The following AGBL1 variants were observed in gnomAD, a reference collection of about 807,000 sequenced individuals.
The protein encoded by AGBL1 is cytosolic carboxypeptidase 4.
AGBL1 carries 130 observed loss-of-function variants against 118.9 expected under a neutral mutation model. The observed-to-expected ratio is 1.09, with a 90% CI of 0.95 to 1.26. AGBL1 has a LOEUF of 1.26. Ranked by LOEUF, AGBL1 falls within the 50% of genes most tolerant of loss-of-function variation. The pLI is 0.00. For missense variants in AGBL1, 1,584 were observed against 1,298.1 expected (o/e 1.22, Z -3.38); for synonymous variants, 555 against 478.9 (o/e 1.16, Z -2.08).
chr15:86,117,520 C>G (rs552899240), intron 1 of AGBL1, among the ~76,000 whole-genome samples: 2 of 152,096 alleles, frequency 1.3e-5, no homozygotes, highest in East Asian at 3.9e-4. Context: ...TCATTTAATT[C>G]TCACTAAAGA....
intron 19 of AGBL1, 72 bp downstream of exon 19, chr15:86,523,011 G>T (rs2083210913): frequency 6.5e-7 from 1 of 1,535,512 alleles, no homozygotes; most frequent in African/African-American, 1.4e-5. Flanking sequence ...AGTATATTCT[G>T]CCAAGGCAAG....
At chr15:86,727,251 C>A (rs953834196) in intron 22 of AGBL1, among the ~76,000 whole-genome samples, 1 of 152,060 alleles carries the variant, frequency 6.6e-6, no homozygotes, top group African/African-American at 2.4e-5. Flanking sequence ...TTCCACACCA[C>A]AAAGGTGACA....
chr15:86,827,475 ATATATATATGTGTG>A (rs1490965173), intron 22 of AGBL1, among the ~76,000 whole-genome samples: 174 of 11,704 alleles, frequency 0.015, 3 homozygotes, highest in East Asian at 0.03. Flanking sequence ...ATATACATAT[ATATATATATGTGTG>A]TATATATATA....
chr15:86,145,563 A>G (rs1597454437), intron 3 of AGBL1, among the ~76,000 whole-genome samples: 1 of 152,188 alleles, frequency 6.6e-6, no homozygotes, highest in African/African-American at 2.4e-5. Context: ...CCAAATGCCC[A>G]GGGGGTCTGG....
At chr15:86,530,247 T>C (rs2083330457) in intron 19 of AGBL1, among the ~76,000 whole-genome samples, 1 of 125,370 alleles carries the variant, frequency 8.0e-6, no homozygotes, top group Non-Finnish European at 1.6e-5. Context: ...AGGCTGAAAA[T>C]AAAAGGATGG....
intron 17 of AGBL1, among the ~76,000 whole-genome samples, chr15:86,330,981 T>C (rs2080259452): frequency 6.6e-6 from 1 of 152,120 alleles, no homozygotes; most frequent in South Asian, 2.1e-4. Context: ...ATCCTGGCAC[T>C]TTGGGAGGCC....
At chr15:86,247,225 C>A (rs2078735680) in intron 6 of AGBL1, among the ~76,000 whole-genome samples, 1 of 152,212 alleles carries the variant, frequency 6.6e-6, no homozygotes, top group African/African-American at 2.4e-5. Context: ...AAGATTTAAA[C>A]TATAATTACT....
chr15:86,789,435 T>G (rs533577180), intron 22 of AGBL1, among the ~76,000 whole-genome samples: 2 of 152,286 alleles, frequency 1.3e-5, no homozygotes, highest in South Asian at 4.1e-4. Context: ...GTTGTTTAAA[T>G]TTTTCTTTGC....
chr15:86,432,900 C>T (rs2081952757), intron 18 of AGBL1, among the ~76,000 whole-genome samples: 1 of 152,238 alleles, frequency 6.6e-6, no homozygotes. Flanking sequence ...GTTGCACTGA[C>T]TGGAGTGGCC....
intron 7 of AGBL1, among the ~76,000 whole-genome samples, chr15:86,248,271 C>T (rs1265098573): frequency 5.9e-5 from 9 of 152,138 alleles, no homozygotes; most frequent in East Asian, 1.9e-4. Flanking sequence ...GAGCCGAGAT[C>T]GCACCACTGA....
intron 21 of AGBL1, among the ~76,000 whole-genome samples, chr15:86,572,188 A>G (rs993043428): frequency 6.6e-6 from 1 of 152,074 alleles, no homozygotes; most frequent in African/African-American, 2.4e-5. Context: ...CGCAGGGGGA[A>G]GTGCCGGCTC....
chr15:86,676,596 T>C (rs572185827), intron 22 of AGBL1, among the ~76,000 whole-genome samples: 13 of 152,278 alleles, frequency 8.5e-5, no homozygotes, highest in Admixed American at 2.6e-4. Context: ...AGGATTCTTA[T>C]TGTAATACAA....
intron 17 of AGBL1, among the ~76,000 whole-genome samples, chr15:86,297,627 G>A (rs1488768135): frequency 6.6e-6 from 1 of 152,164 alleles, no homozygotes; most frequent in African/African-American, 2.4e-5. Context: ...TATGCATGAA[G>A]AGCTTTAAGG....
At chr15:86,755,731 A>G (rs555157720) in intron 22 of AGBL1, among the ~76,000 whole-genome samples, 1 of 152,088 alleles carries the variant, frequency 6.6e-6, no homozygotes, top group African/African-American at 2.4e-5. Flanking sequence ...GTAGACAGTG[A>G]GTGCTTTCAT....
chr15:86,218,730 C>G (rs1478619357), intron 5 of AGBL1, among the ~76,000 whole-genome samples: 3 of 152,208 alleles, frequency 2.0e-5, no homozygotes, highest in Non-Finnish European at 4.4e-5. Flanking sequence ...CTGCAGGTAG[C>G]CTCTAGAAAT....
Position 86,262,240 on chromosome 15 carries a change from T to C in AGBL1, c.970-538T>C, listed in dbSNP as rs940489331. On this transcript the variant is annotated intron_variant, in intron 9 of 22. Transcript: ENST00000614907. ...GTTATAACTGTTGGAAATTAACTTA[T>C]TCATTTGTTTACTTTCTTCTTTACT... Among the ~76,000 whole-genome samples, 10 of 152,202 alleles carry C rather than the reference T, an allele frequency of 6.6e-5. No individual in the cohort carries two copies. The South Asian group carries it at 1.2e-3, about 19-fold the overall frequency.
intron 18 of AGBL1, among the ~76,000 whole-genome samples, chr15:86,442,659 A>G (rs1464513430): frequency 2.0e-5 from 3 of 152,206 alleles, no homozygotes; most frequent in African/African-American, 7.2e-5. Flanking sequence ...AACTAGATAT[A>G]ATAGTGGGAG....
intron 17 of AGBL1, among the ~76,000 whole-genome samples, chr15:86,329,380 G>C (rs144756530): frequency 1.5e-4 from 23 of 152,128 alleles, no homozygotes; most frequent in African/African-American, 5.1e-4. Flanking sequence ...TCCTCACCAG[G>C]ATCAGAAGCC....
At chr15:86,181,172 C>T (rs780766034) in intron 5 of AGBL1, among the ~76,000 whole-genome samples, 10 of 151,992 alleles carry the variant, frequency 6.6e-5, no homozygotes, top group Non-Finnish European at 1.2e-4. Context: ...TATTCATTTA[C>T]ACAATAGAAA....
Sources: allele counts gnomAD v4.1 joint callset (sites outside exome capture counted in the v4.1 genomes callset), GRCh38; gene constraint gnomAD v4.1.1; transcripts MANE v1.5; gene names NCBI Gene and HGNC (gene_info 2026-07-23, HGNC 2026-07-21).